Variants in PRKCI observed in about 807,000 individuals in gnomAD.
PRKCI encodes protein kinase C iota.
In PRKCI, 43 loss-of-function variants were observed where a neutral mutation model predicts 84.0. The ratio of observed to expected loss-of-function variants is 0.51; its 90% CI spans 0.40 to 0.66. The LOEUF is 0.66. PRKCI is among the 30% of genes least tolerant of loss of function. PRKCI has a pLI of 0.00. For synonymous variants in PRKCI, 216 were observed against 234.4 expected (o/e 0.92, Z 0.72); for missense variants, 459 against 745.6 (o/e 0.62, Z 4.48).
chr3:170,294,784 G>T (rs1734652381), intron 14 of PRKCI, among the ~76,000 whole-genome samples: 1 of 152,148 alleles, frequency 6.6e-6, no homozygotes, highest in East Asian at 1.9e-4. Context: ...ATGATAAATA[G>T]TATTCAGATT....
chr3:170,288,097 T>C lies in PRKCI; in HGVS notation c.1203+3501T>C, dbSNP rs111298869. Among the ~76,000 whole-genome samples, 975 of 150,800 alleles carry C rather than the reference T, an allele frequency of 6.5e-3. 11 individuals are homozygous for C. The highest frequency in any genetic ancestry group is 0.022 in the African/African-American group (889 of 41,068). On this transcript the variant is annotated intron_variant, in intron 12 of 17. Transcript: ENST00000295797. ...CGTCTCTACTAAAAATACAAAAAAA[T>C]TAGCCAGGCGTGGTGGCGGACGCCT...
chr3:170,298,194 A>G (rs1187334232), intron 16 of PRKCI, among the ~76,000 whole-genome samples: 2 of 151,826 alleles, frequency 1.3e-5, no homozygotes, highest in African/African-American at 4.8e-5. Flanking sequence ...TATTAATGTA[A>G]TAAAGCAGGT....
intron 2 of PRKCI, among the ~76,000 whole-genome samples, chr3:170,255,650 T>C (rs1025921136): frequency 1.3e-5 from 2 of 152,230 alleles, no homozygotes; most frequent in Non-Finnish European, 2.9e-5. Context: ...CCTTTATTTC[T>C]TTCTCTTGTC....
intron 4 of PRKCI, among the ~76,000 whole-genome samples, chr3:170,264,887 A>G (rs561516062): frequency 6.6e-6 from 1 of 152,256 alleles, no homozygotes; most frequent in East Asian, 1.9e-4. Flanking sequence ...TGAGAACTGA[A>G]TAGAAACTGC....
At chr3:170,291,011 C>T (rs920667925) in intron 12 of PRKCI, among the ~76,000 whole-genome samples, 1 of 152,012 alleles carries the variant, frequency 6.6e-6, no homozygotes. Flanking sequence ...TGGCACACGC[C>T]TATAATCTCA....
chr3:170,295,467 A>G (rs1180162286), intron 14 of PRKCI, among the ~76,000 whole-genome samples: 4 of 152,094 alleles, frequency 2.6e-5, no homozygotes, highest in Admixed American at 6.6e-5. Flanking sequence ...TCATGAGGTC[A>G]GGAGTTTGAG....
chr3:170,278,255 T>TG (rs1228325153), intron 8 of PRKCI, among the ~76,000 whole-genome samples: 3 of 152,234 alleles, frequency 2.0e-5, no homozygotes, highest in African/African-American at 4.8e-5. Context: ...CAAGTCTATG[T>TG]GTTGACTTAC....
chr3:170,289,875 G>A (rs987247900), intron 12 of PRKCI, among the ~76,000 whole-genome samples: 5 of 151,844 alleles, frequency 3.3e-5, no homozygotes, highest in Non-Finnish European at 5.9e-5. Flanking sequence ...TCGCACCATT[G>A]CACTCCAGCC....
intron 1 of PRKCI, among the ~76,000 whole-genome samples, chr3:170,227,877 T>C (rs938962522): frequency 5.9e-5 from 9 of 152,196 alleles, no homozygotes; most frequent in African/African-American, 2.2e-4. Context: ...TTGGAGGCTT[T>C]TGAAGTAGTC....
chr3:170,257,850 G>C (rs1380626036), intron 2 of PRKCI, among the ~76,000 whole-genome samples: 6 of 151,890 alleles, frequency 4.0e-5, no homozygotes, highest in South Asian at 4.2e-4. Flanking sequence ...TTTTCGTAGA[G>C]ACGGGGTTTC....
At chr3:170,288,491 A>G (rs1198543230) in intron 12 of PRKCI, among the ~76,000 whole-genome samples, 1 of 151,910 alleles carries the variant, frequency 6.6e-6, no homozygotes, top group Non-Finnish European at 1.5e-5. Flanking sequence ...GCTCACGCCT[A>G]TAATTCCAGC....
intron 5 of PRKCI, 105 bp from the exon 6 acceptor site, chr3:170,270,316 G>A (rs1235125573): frequency 8.8e-7 from 1 of 1,142,030 alleles, no homozygotes; most frequent in Non-Finnish European, 1.2e-6. Context: ...TTTTGTTGTG[G>A]GCTGACAGTT....
Position 170,237,266 on chromosome 3 carries a change from A to G in PRKCI, c.223+1915A>G, listed in dbSNP as rs929894063. On this transcript the variant is annotated intron_variant, in intron 2 of 17. Transcript: ENST00000295797. The stretch of plus-strand genomic sequence containing the variant: ...TTAACAGGCTCCACGGGTGAGTTGT[A>G]TGAATACAGAAATTTGTTTGAGAAG... 4.6e-5 allele frequency among the ~76,000 whole-genome samples: 7 copies of G among 152,362 alleles called. No homozygotes were observed. The East Asian group carries it at 1.2e-3, about 25-fold the overall frequency.
intron 2 of PRKCI, among the ~76,000 whole-genome samples, chr3:170,251,016 A>T (rs1232935326): frequency 1.3e-5 from 2 of 152,222 alleles, no homozygotes; most frequent in Non-Finnish European, 2.9e-5. Flanking sequence ...CTACAGATTG[A>T]AAATACTCAA....
chr3:170,261,469 A>C (rs561953392), intron 3 of PRKCI, among the ~76,000 whole-genome samples: 11 of 151,170 alleles, frequency 7.3e-5, no homozygotes, highest in South Asian at 4.2e-4. Context: ...TAAAAAAAAA[A>C]AAAAAACAGT....
At chr3:170,281,763 G>T in intron 10 of PRKCI, 119 bp from the exon 11 acceptor site, 1 of 1,361,874 alleles carries the variant, frequency 7.3e-7, no homozygotes, top group Non-Finnish European at 9.6e-7. Flanking sequence ...CCAAAATTTT[G>T]GCATCTTTTT....
intron 8 of PRKCI, among the ~76,000 whole-genome samples, chr3:170,277,491 C>A (rs1003395438): frequency 6.6e-6 from 1 of 151,984 alleles, no homozygotes; most frequent in Non-Finnish European, 1.5e-5. Context: ...AGGATTGAGC[C>A]TGAGAGTTCA....
At chr3:170,267,092 G>C (rs1211538138) in intron 4 of PRKCI, among the ~76,000 whole-genome samples, 1 of 152,114 alleles carries the variant, frequency 6.6e-6, no homozygotes, top group Non-Finnish European at 1.5e-5. Flanking sequence ...CATGGTAAAT[G>C]GTATTGTGGT....
At chr3:170,263,017 A>G (rs995825483) in intron 3 of PRKCI, among the ~76,000 whole-genome samples, 5 of 151,530 alleles carry the variant, frequency 3.3e-5, no homozygotes, top group African/African-American at 1.2e-4. Flanking sequence ...AAAAATACAA[A>G]AATTAGCCGG....
Sources: allele counts gnomAD v4.1 joint callset (sites outside exome capture counted in the v4.1 genomes callset), GRCh38; gene constraint gnomAD v4.1.1; transcripts MANE v1.5; gene names NCBI Gene and HGNC (gene_info 2026-07-23, HGNC 2026-07-21).